PARP8: variants seen among roughly 807,000 people sequenced by gnomAD.
PARP8 encodes protein mono-ADP-ribosyltransferase PARP8.
PARP8 carries 51 observed loss-of-function variants against 124.1 expected under a neutral mutation model. The observed-to-expected ratio is 0.41, with a 90% CI of 0.33 to 0.52. The LOEUF (loss-of-function observed/expected upper bound fraction) is 0.52, where lower values mean the gene tolerates loss of function less well. PARP8 is among the 20% of genes least tolerant of loss of function. The pLI, the probability that PARP8 is intolerant of heterozygous loss-of-function variation, is 0.21. For synonymous variants in PARP8, 391 were observed against 361.5 expected, an observed-to-expected ratio of 1.08 and a Z score of -0.93; for missense variants, 860 against 1,018.9, an observed-to-expected ratio of 0.84 and a Z score of 2.12.
intron 2 of PARP8, among the ~76,000 whole-genome samples, chr5:50,674,787 G>A (rs1458805978): frequency 6.6e-6 from 1 of 152,168 alleles, no homozygotes; most frequent in Non-Finnish European, 1.5e-5. Flanking sequence ...TCAAGATCAT[G>A]GTTTTTATCA....
Position 50,744,934 on chromosome 5 carries a change from T to C in PARP8, c.147-5217T>C, listed in dbSNP as rs928093156. The C allele has an allele frequency of 8.6e-6, 5 of 581,370 alleles. No individual in the cohort carries two copies. In the African/African-American group the frequency reaches 9.3e-5, roughly 11 times the overall value. The allele number at this position is 581,370 out of a possible 1,614,324, so 36.0% of individuals were successfully genotyped here. On this transcript the variant is annotated intron_variant, in intron 2 of 25. Coordinates refer to ENST00000281631, the MANE Select transcript of PARP8 (RefSeq NM_024615.4). ...ATACTAACAGTACTCTGCAATCTAC[T>C]TAAGCTTTGTTCTTTCCACGTTTTT...
intron 2 of PARP8, among the ~76,000 whole-genome samples, chr5:50,724,679 C>G (rs1330652727): frequency 3.3e-5 from 5 of 151,710 alleles, no homozygotes; most frequent in Non-Finnish European, 5.9e-5. Context: ...ACAATTTTGA[C>G]TATATTATGA....
intron 2 of PARP8, among the ~76,000 whole-genome samples, chr5:50,701,049 A>G (rs1753542285): frequency 6.6e-6 from 1 of 152,170 alleles, no homozygotes; most frequent in Non-Finnish European, 1.5e-5. Context: ...GTATATTCAA[A>G]TCTTACATTG....
rs1361598083 is a variant in PARP8 at position 50,846,188 on chromosome 5, G to T, written c.*4120G>T. On this transcript the variant is annotated 3_prime_UTR_variant, in exon 26 of 26. Transcript: ENST00000281631. ...TGTATCATTTGAGATTTTTAAAAATGCATCCGCTCCATTATGTAAACATTA... is the reference window on the plus strand; with the variant it reads ...TGTATCATTTGAGATTTTTAAAAATTCATCCGCTCCATTATGTAAACATTA... 1 of 151,664 alleles carries T rather than the reference G, an allele frequency of 6.6e-6. No homozygotes were observed. Among genetic ancestry groups the T allele is most frequent in the Non-Finnish European group, 1.5e-5 (1 of 67,748 alleles). The allele number at this position is 151,664 out of a possible 1,614,324, so 9.4% of individuals were successfully genotyped here.
At chr5:50,730,872 A>G (rs1020535975) in intron 2 of PARP8, among the ~76,000 whole-genome samples, 3 of 152,248 alleles carry the variant, frequency 2.0e-5, no homozygotes, top group African/African-American at 7.2e-5. Flanking sequence ...ACTTAGGCAT[A>G]TTAATCAGAA....
Position 50,699,952 on chromosome 5 carries a change from A to T in PARP8, c.146+31827A>T, listed in dbSNP as rs149958861. On this transcript the variant is annotated intron_variant, in intron 2 of 25. Transcript: ENST00000281631. ...CACTGGATGAGTAAAAGTTCCATTA[A>T]CTTGCAAAAAGGATAGATAGCATGA... 7.0e-4 allele frequency among the ~76,000 whole-genome samples: 107 copies of T among 152,276 alleles called. 3 individuals are homozygous for T. Among genetic ancestry groups the T allele is most frequent in the African/African-American group, 2.4e-3 (98 of 41,560 alleles).
At position 50,679,856 on chromosome 5, in the gene PARP8, C is replaced by T. The variant is rs539867200; in HGVS notation, c.146+11731C>T. Reference sequence around the variant, plus strand: ...ACTTGTAATCAAGAAAATGCAACAACGGAAGAAATGCTTACTTGAGTAACT... The same window carrying T: ...ACTTGTAATCAAGAAAATGCAACAATGGAAGAAATGCTTACTTGAGTAACT... On this transcript the variant is annotated intron_variant, in intron 2 of 25. Coordinates refer to ENST00000281631, the MANE Select transcript of PARP8 (RefSeq NM_024615.4). Among the ~76,000 whole-genome samples, 4 of 152,222 alleles carry T rather than the reference C, an allele frequency of 2.6e-5. No homozygotes were observed. The East Asian group carries it at 5.8e-4, about 22-fold the overall frequency.
At chr5:50,811,445 GGA>G (rs1744429852) in intron 14 of PARP8, among the ~76,000 whole-genome samples, 1 of 151,736 alleles carries the variant, frequency 6.6e-6, no homozygotes. Flanking sequence ...TGAATACCTA[GGA>G]TTGGTGACAA....
chr5:50,773,613 T>A (rs558925332), intron 7 of PARP8, among the ~76,000 whole-genome samples: 1 of 152,304 alleles, frequency 6.6e-6, no homozygotes, highest in Non-Finnish European at 1.5e-5. Flanking sequence ...TTTGTTCTTT[T>A]TGCTCAGTGC....
At chr5:50,833,865 C>CTTT in intron 23 of PARP8, 114 bp from the exon 24 acceptor site, 1 of 610,920 alleles carries the variant, frequency 1.6e-6, no homozygotes, top group Non-Finnish European at 2.8e-6. Context: ...TCTAGATAGG[C>CTTT]TTTTTTTTTT....
chr5:50,719,920 T>C (rs1185823393), intron 2 of PARP8, among the ~76,000 whole-genome samples: 1 of 152,096 alleles, frequency 6.6e-6, no homozygotes, highest in Non-Finnish European at 1.5e-5. Flanking sequence ...TTTTATGCTG[T>C]TAATTGAACT....
chr5:50,693,916 C>G (rs1443127332), intron 2 of PARP8, among the ~76,000 whole-genome samples: 1 of 151,774 alleles, frequency 6.6e-6, no homozygotes, highest in African/African-American at 2.4e-5. Flanking sequence ...TTTTTCTGTA[C>G]ACACACAAAC....
At position 50,821,194 on chromosome 5, in the gene PARP8, C is replaced by T. The variant is rs376929896; in HGVS notation, c.1669-19C>T. 1.5e-5 allele frequency: 24 copies of T among 1,613,520 alleles called. No individual in the cohort carries two copies. The highest frequency in any genetic ancestry group is 1.9e-5 in the Non-Finnish European group (22 of 1,179,664). The stretch of plus-strand genomic sequence containing the variant: ...ATAAAACCTGAAGGGTAGTAACTAT[C>T]TTATGTGTATATTTCAAGGTGGTAG... On this transcript the variant is annotated intron_variant, in intron 15 of 25. Coordinates refer to ENST00000281631, the MANE Select transcript of PARP8 (RefSeq NM_024615.4).
chr5:50,750,549 C>A (rs1353824283), intron 3 of PARP8, among the ~76,000 whole-genome samples: 1 of 151,892 alleles, frequency 6.6e-6, no homozygotes, highest in African/African-American at 2.4e-5. Context: ...TTGTTTCAGT[C>A]AGTTTTCTAA....
chr5:50,789,232 A>C (rs1279824207), intron 10 of PARP8, among the ~76,000 whole-genome samples: 1 of 152,184 alleles, frequency 6.6e-6, no homozygotes, highest in Non-Finnish European at 1.5e-5. Flanking sequence ...TATTTTATAT[A>C]AATATCTATT....
intron 24 of PARP8, among the ~76,000 whole-genome samples, chr5:50,834,505 G>C (rs1018249386): frequency 6.6e-6 from 1 of 152,140 alleles, no homozygotes; most frequent in African/African-American, 2.4e-5. Flanking sequence ...TTTGCAAGAT[G>C]ATATACTTTT....
rs566517752 is a variant in PARP8 at position 50,766,690 on chromosome 5, G to A, written c.518+3448G>A. On this transcript the variant is annotated intron_variant, in intron 7 of 25. Transcript: ENST00000281631. ...ACTGTTCTATTGTGACTGTTCTATT[G>A]TGAATAGTCAACTGTTGTGACTATT... is the stretch of plus-strand genomic sequence containing the variant. Among the ~76,000 whole-genome samples the A allele has an allele frequency of 4.6e-5, 7 of 152,152 alleles. No individual in the cohort carries two copies. In the South Asian group the frequency reaches 1.5e-3, roughly 32 times the overall value.
rs1223795719 is a variant in PARP8 at position 50,796,990 on chromosome 5, T to C, written c.1437T>C (p.Gly479=). The C allele has an allele frequency of 6.2e-7, 1 of 1,610,658 alleles. No individual in the cohort carries two copies. The highest frequency in any genetic ancestry group is 1.1e-5 in the South Asian group (1 of 89,822). The change falls in exon 13 of 26, where the codon GGT becomes GGC. Residue 479 remains glycine (G), a synonymous_variant. Transcript: ENST00000281631. The part of the protein sequence containing the change: ...SSSSSQLAPN[G]AKCIPVRDRG... ...TACTTTGCTTTTTATAGCCAAATGGTGCAAAATGCATTCCAGTACGAGACC... is the reference window on the plus strand; with the variant it reads ...TACTTTGCTTTTTATAGCCAAATGGCGCAAAATGCATTCCAGTACGAGACC...
chr5:50,734,903 G>A (rs1757327229), intron 2 of PARP8, among the ~76,000 whole-genome samples: 2 of 152,076 alleles, frequency 1.3e-5, no homozygotes, highest in African/African-American at 4.8e-5. Context: ...TGCCTAGAAA[G>A]GGAAGCTGAG....
Sources: allele counts gnomAD v4.1 joint callset (sites outside exome capture counted in the v4.1 genomes callset), GRCh38; gene constraint gnomAD v4.1.1; transcripts MANE v1.5; gene names NCBI Gene and HGNC (gene_info 2026-07-23, HGNC 2026-07-21).